Variants in RBFOX1 observed in about 807,000 individuals in gnomAD.
RBFOX1 encodes the protein RNA binding fox-1 homolog 1.
Under a neutral mutation model 57.7 loss-of-function variants are expected in RBFOX1, and 8 were observed. The observed-to-expected ratio is 0.14, with a 90% CI of 0.08 to 0.25. RBFOX1 has a LOEUF of 0.25. Among genes scored for constraint, RBFOX1 ranks in the 10% least tolerant of loss-of-function variants. The probability of loss-of-function intolerance (pLI) is 1.00; values close to 1 mark genes in which losing one functional copy is unlikely to be tolerated. For missense variants in RBFOX1, 611 were observed against 548.5 expected (o/e 1.11, Z -1.14); for synonymous variants, 326 against 222.4 (o/e 1.47, Z -4.15).
At chr16:6,108,046 A>G (rs2096403062) in intron 1 of RBFOX1, among the ~76,000 whole-genome samples, 1 of 152,200 alleles carries the variant, frequency 6.6e-6, no homozygotes, top group Non-Finnish European at 1.5e-5. Flanking sequence ...TATTAGGCTC[A>G]CTATTAATAT....
intron 2 of RBFOX1, among the ~76,000 whole-genome samples, chr16:6,489,240 C>G (rs1462545052): frequency 6.6e-6 from 1 of 152,134 alleles, no homozygotes; most frequent in African/African-American, 2.4e-5. Context: ...TTCTAACAAC[C>G]TTCCCATATG....
intron 3 of RBFOX1, among the ~76,000 whole-genome samples, chr16:6,785,494 A>C (rs2081799023): frequency 6.6e-6 from 1 of 152,136 alleles, no homozygotes; most frequent in African/African-American, 2.4e-5. Context: ...CATCTGGGCA[A>C]CACCTTTCCA....
intron 1 of RBFOX1, among the ~76,000 whole-genome samples, chr16:6,201,005 A>C (rs185852331): frequency 1.3e-5 from 2 of 152,170 alleles, no homozygotes; most frequent in African/African-American, 4.8e-5. Context: ...CATTATGCTC[A>C]AATCGTTCCC....
intron 4 of RBFOX1, among the ~76,000 whole-genome samples, chr16:7,233,725 T>G (rs1321133950): frequency 6.6e-6 from 1 of 152,220 alleles, no homozygotes; most frequent in Non-Finnish European, 1.5e-5. Flanking sequence ...TTATTTATGG[T>G]ATATGTGTCA....
intron 3 of RBFOX1, among the ~76,000 whole-genome samples, chr16:6,991,099 C>T (rs140272431): frequency 1.0e-4 from 13 of 125,364 alleles, no homozygotes; most frequent in African/African-American, 2.2e-4. Context: ...CACAGAAGTT[C>T]GAGGCCATCC....
chr16:6,744,455 A>AT (rs1246363053), intron 3 of RBFOX1, among the ~76,000 whole-genome samples: 1 of 151,902 alleles, frequency 6.6e-6, no homozygotes, highest in East Asian at 1.9e-4. Context: ...GGGCTGAACT[A>AT]TTTTTTTTAA....
intron 2 of RBFOX1, among the ~76,000 whole-genome samples, chr16:5,592,380 T>A (rs528008464): frequency 1.2e-3 from 182 of 152,242 alleles, no homozygotes; most frequent in South Asian, 2.7e-3. Flanking sequence ...GGGTCATAAT[T>A]AGAAGGATCT....
At chr16:5,643,937 T>C (rs767746781) in intron 3 of RBFOX1, among the ~76,000 whole-genome samples, 5 of 152,254 alleles carry the variant, frequency 3.3e-5, no homozygotes, top group Non-Finnish European at 7.3e-5. Flanking sequence ...TTATACCAAA[T>C]GGGCCTATTT....
intron 2 of RBFOX1, among the ~76,000 whole-genome samples, chr16:5,563,889 C>G (rs2045972251): frequency 1.3e-5 from 2 of 152,146 alleles, no homozygotes; most frequent in Admixed American, 1.3e-4. Context: ...CTGTCTGTTA[C>G]CATCATTTAT....
At chr16:7,085,817 G>C (rs1431639651) in intron 4 of RBFOX1, among the ~76,000 whole-genome samples, 1 of 152,106 alleles carries the variant, frequency 6.6e-6, no homozygotes, top group East Asian at 1.9e-4. Flanking sequence ...AATCAATCCT[G>C]GTTTGTTCAG....
At chr16:7,005,531 T>A (rs1169844683) in intron 3 of RBFOX1, among the ~76,000 whole-genome samples, 1 of 152,122 alleles carries the variant, frequency 6.6e-6, no homozygotes, top group Non-Finnish European at 1.5e-5. Context: ...ATGATAAGTG[T>A]TCTGTAATTT....
At chr16:7,534,556 C>T (rs1378903558) in intron 5 of RBFOX1, among the ~76,000 whole-genome samples, 2 of 152,128 alleles carry the variant, frequency 1.3e-5, no homozygotes, top group African/African-American at 4.8e-5. Context: ...CCCCTGGAAG[C>T]CCGATTCGAT....
At chr16:6,415,991 C>T (rs1427357185) in intron 2 of RBFOX1, among the ~76,000 whole-genome samples, 4 of 152,170 alleles carry the variant, frequency 2.6e-5, no homozygotes, top group African/African-American at 4.8e-5. Flanking sequence ...TTAACACCTG[C>T]CAGCGTTGTC....
At chr16:6,834,266 G>T (rs1489882213) in intron 3 of RBFOX1, among the ~76,000 whole-genome samples, 2 of 151,856 alleles carry the variant, frequency 1.3e-5, no homozygotes, top group East Asian at 3.9e-4. Context: ...GTAGAGATGG[G>T]GGTTTCACCA....
intron 3 of RBFOX1, among the ~76,000 whole-genome samples, chr16:5,650,859 C>G (rs550074422): frequency 2.0e-5 from 3 of 151,964 alleles, no homozygotes; most frequent in Admixed American, 2.0e-4. Flanking sequence ...AAGACAGGAA[C>G]GAAGCCAGTG....
intron 3 of RBFOX1, among the ~76,000 whole-genome samples, chr16:6,748,510 TA>T (rs2074257640): frequency 6.6e-6 from 1 of 151,964 alleles, no homozygotes; most frequent in Non-Finnish European, 1.5e-5. Flanking sequence ...AAAATAAAGA[TA>T]AAAAATTAGC....
chr16:5,616,522 C>G (rs964878797), intron 3 of RBFOX1, among the ~76,000 whole-genome samples: 2 of 151,974 alleles, frequency 1.3e-5, no homozygotes, highest in East Asian at 1.9e-4. Context: ...CTTGGAGATG[C>G]CGCTGTCTGC....
chr16:6,319,686 A>G (rs966885286), intron 2 of RBFOX1, among the ~76,000 whole-genome samples: 2 of 152,238 alleles, frequency 1.3e-5, no homozygotes, highest in Admixed American at 6.5e-5. Flanking sequence ...GCTCCCAGGA[A>G]CCAGCATCTG....
chr16:6,155,408 C>G (rs2096831416), intron 1 of RBFOX1, among the ~76,000 whole-genome samples: 1 of 152,202 alleles, frequency 6.6e-6, no homozygotes. Context: ...GGGCCATCTG[C>G]TGAGTAAGTA....
Sources: gnomAD v4.1 joint callset for allele counts (sites outside exome capture counted in the v4.1 genomes callset) on GRCh38, gnomAD v4.1.1 for gene constraint, MANE v1.5 for transcripts, NCBI Gene and HGNC (gene_info 2026-07-23, HGNC 2026-07-21) for gene names.